The following PDE1C variants were observed in gnomAD, a reference collection of about 807,000 sequenced individuals.
The protein encoded by PDE1C is dual specificity calcium/calmodulin-dependent 3',5'-cyclic nucleotide phosphodiesterase 1C.
In PDE1C, 62 loss-of-function variants were observed where a neutral mutation model predicts 93.1. That is an observed-to-expected ratio of 0.67 (90% CI 0.54 to 0.82). PDE1C has a LOEUF of 0.82. PDE1C is among the 40% of genes least tolerant of loss of function. The pLI is 0.00. For missense variants in PDE1C, 742 were observed against 884.6 expected (o/e 0.84, Z 2.04); for synonymous variants, 325 against 310.1 (o/e 1.05, Z -0.50).
At chr7:32,326,561 C>T (rs1200853438) in intron 1 of PDE1C, among the ~76,000 whole-genome samples, 1 of 151,878 alleles carries the variant, frequency 6.6e-6, no homozygotes, top group African/African-American at 2.4e-5. Flanking sequence ...TGCCTAGGAC[C>T]GGTCAAGTAA....
At chr7:31,956,600 G>A (rs538064197) in intron 2 of PDE1C, among the ~76,000 whole-genome samples, 28 of 150,920 alleles carry the variant, frequency 1.9e-4, no homozygotes, top group Non-Finnish European at 3.4e-4. Context: ...AGGTTACACA[G>A]AAGCAAATTT....
At chr7:32,076,428 G>A (rs1796358396), upstream of PDE1C, among the ~76,000 whole-genome samples, 1 of 151,998 alleles carries the variant, frequency 6.6e-6, no homozygotes, top group Non-Finnish European at 1.5e-5. Context: ...ATCACCTGAG[G>A]TCAGGAGTTC....
chr7:31,666,335 C>A, the PDE1C span, among the ~76,000 whole-genome samples: 1 of 152,186 alleles, frequency 6.6e-6, no homozygotes, highest in Non-Finnish European at 1.5e-5. Context: ...TTGTCTTTCA[C>A]TCATCATATA....
intron 1 of PDE1C, among the ~76,000 whole-genome samples, chr7:32,316,617 G>A (rs994744863): frequency 1.3e-5 from 2 of 152,112 alleles, no homozygotes; most frequent in Non-Finnish European, 2.9e-5. Flanking sequence ...AAAGCACAAA[G>A]TCTCTACATT....
intron 2 of PDE1C, among the ~76,000 whole-genome samples, chr7:31,992,378 G>T (rs1313799615): frequency 1.3e-5 from 2 of 152,202 alleles, no homozygotes; most frequent in Non-Finnish European, 2.9e-5. Flanking sequence ...CAAGTGCCTT[G>T]GACATCAGGG....
intron 12 of PDE1C, among the ~76,000 whole-genome samples, chr7:31,825,482 G>C (rs751239033): frequency 2.0e-5 from 3 of 152,122 alleles, no homozygotes; most frequent in African/African-American, 7.2e-5. Flanking sequence ...GCAGGTTATC[G>C]ACAGCTCTAG....
At chr7:31,975,397 C>A (rs1458760904) in intron 2 of PDE1C, among the ~76,000 whole-genome samples, 2 of 152,054 alleles carry the variant, frequency 1.3e-5, no homozygotes, top group African/African-American at 4.8e-5. Context: ...CCGTGTAGCA[C>A]CAATCCCTTC....
At chr7:32,207,615 G>A (rs1450742508) in intron 2 of PDE1C, among the ~76,000 whole-genome samples, 2 of 143,364 alleles carry the variant, frequency 1.4e-5, no homozygotes, top group South Asian at 4.6e-4. Flanking sequence ...GAGCTTTTTC[G>A]TTCTCCTTTT....
At chr7:32,019,149 T>A (rs1788307219) in intron 2 of PDE1C, among the ~76,000 whole-genome samples, 2 of 145,870 alleles carry the variant, frequency 1.4e-5, no homozygotes, top group Non-Finnish European at 3.0e-5. Context: ...TTATGTTGTT[T>A]TAAAAAAAAA....
At chr7:31,811,817 A>C (rs564769002) in intron 15 of PDE1C, among the ~76,000 whole-genome samples, 6 of 152,084 alleles carry the variant, frequency 3.9e-5, no homozygotes, top group Non-Finnish European at 7.4e-5. Flanking sequence ...AGTCATCTCA[A>C]CAGAGGGCAA....
chr7:31,862,781 C>A (rs1020731405), intron 7 of PDE1C, among the ~76,000 whole-genome samples: 1 of 152,118 alleles, frequency 6.6e-6, no homozygotes, highest in African/African-American at 2.4e-5. Context: ...AAGGACCCAG[C>A]ATATAAGTTC....
chr7:31,704,702 T>C, the PDE1C span, among the ~76,000 whole-genome samples: 41 of 152,290 alleles, frequency 2.7e-4, no homozygotes, highest in African/African-American at 9.6e-4. Flanking sequence ...CTGTGGAAGA[T>C]ACAAATTACT....
chr7:31,668,779 A>T, the PDE1C span, among the ~76,000 whole-genome samples: 1 of 144,844 alleles, frequency 6.9e-6, no homozygotes, highest in Non-Finnish European at 1.5e-5. Context: ...CAATTCTGTA[A>T]CTATACTAAA....
chr7:32,235,000 A>G (rs1284856848), intron 1 of PDE1C, among the ~76,000 whole-genome samples: 1 of 152,118 alleles, frequency 6.6e-6, no homozygotes, highest in African/African-American at 2.4e-5. Flanking sequence ...TAAAAAGAAA[A>G]GCCATATGAT....
intron 1 of PDE1C, among the ~76,000 whole-genome samples, chr7:32,235,562 C>T (rs1322414580): frequency 6.6e-6 from 1 of 152,050 alleles, no homozygotes. Context: ...TTACAATACA[C>T]TCCCTCCCCA....
the PDE1C span, among the ~76,000 whole-genome samples, chr7:31,736,739 T>C: frequency 6.6e-6 from 1 of 152,204 alleles, no homozygotes; most frequent in Non-Finnish European, 1.5e-5. Context: ...ATAAAAATGT[T>C]ATAGAGTTAA....
chr7:31,901,140 A>C (rs1052608245), intron 2 of PDE1C, among the ~76,000 whole-genome samples: 10 of 151,492 alleles, frequency 6.6e-5, no homozygotes, highest in Non-Finnish European at 1.3e-4. Flanking sequence ...ATTTACAAAA[A>C]AAAAAAAAAA....
chr7:31,954,147 T>C (rs1223351798), intron 2 of PDE1C, among the ~76,000 whole-genome samples: 1 of 152,230 alleles, frequency 6.6e-6, no homozygotes, highest in Non-Finnish European at 1.5e-5. Flanking sequence ...TGCTGGGAAT[T>C]GGCTGCCCAA....
intron 3 of PDE1C, among the ~76,000 whole-genome samples, chr7:32,088,434 G>A (rs1797256948): frequency 6.6e-6 from 1 of 152,200 alleles, no homozygotes; most frequent in Non-Finnish European, 1.5e-5. Context: ...TCTGCTGGCT[G>A]AGCCCACCTC....
Sources: allele counts gnomAD v4.1 joint callset (sites outside exome capture counted in the v4.1 genomes callset), GRCh38; gene constraint gnomAD v4.1.1; transcripts MANE v1.5; gene names NCBI Gene and HGNC (gene_info 2026-07-23, HGNC 2026-07-21).